KLHL5: variants seen among roughly 807,000 people sequenced by gnomAD.
KLHL5 encodes the protein kelch like family member 5, also known as kelch-like protein 5.
In KLHL5, 48 loss-of-function variants were observed where a neutral mutation model predicts 77.7. That is an observed-to-expected ratio of 0.62 (90% confidence interval 0.49 to 0.79). KLHL5 has a LOEUF of 0.79. Ranked by LOEUF, KLHL5 falls within the 30% of genes least tolerant of loss-of-function variation. The pLI is 0.00. For missense variants in KLHL5, 723 were observed against 859.7 expected (o/e 0.84, Z 1.99); for synonymous variants, 260 against 297.0 (o/e 0.88, Z 1.28).
At chr4:39,082,808 G>C (rs1719733288) in intron 4 of KLHL5, among the ~76,000 whole-genome samples, 1 of 152,140 alleles carries the variant, frequency 6.6e-6, no homozygotes, top group East Asian at 1.9e-4. Context: ...ACCTAGGATA[G>C]TAAGAAAATA....
At chr4:39,126,929 C>A (rs1469384166), downstream of KLHL5, 5 of 358,812 alleles carry the variant, frequency 1.4e-5, no homozygotes, top group Non-Finnish European at 2.2e-5. Context: ...CCCTTGCTGA[C>A]GTCAAGGCAC....
chr4:39,105,577 T>C (rs931478026), intron 7 of KLHL5, among the ~76,000 whole-genome samples: 3 of 151,668 alleles, frequency 2.0e-5, no homozygotes, highest in Admixed American at 1.3e-4. Context: ...ACATATATCA[T>C]AAACATGTAT....
chr4:39,088,420 T>C (rs977528471), intron 5 of KLHL5, among the ~76,000 whole-genome samples: 2 of 152,182 alleles, frequency 1.3e-5, no homozygotes, highest in Non-Finnish European at 2.9e-5. Flanking sequence ...ATTCCTCTCT[T>C]TCTGCATTGT....
the KLHL5 span, among the ~76,000 whole-genome samples, chr4:39,141,092 C>T: frequency 2.0e-5 from 3 of 152,038 alleles, no homozygotes; most frequent in African/African-American, 7.2e-5. Flanking sequence ...GGAAAAGTAA[C>T]AAGGAGACAG....
rs1722144525 is a variant in KLHL5 at position 39,107,596 on chromosome 4, A to AC, written c.1553_1554insC (p.Ala519CysfsTer6). The AC allele has an allele frequency of 6.2e-7, 1 of 1,612,074 alleles. No individual in the cohort carries two copies. The highest frequency in any genetic ancestry group is 8.5e-7 in the Non-Finnish European group (1 of 1,178,668). ...GTGGCTGTACTGGAAGGTCCCATGT[A>AC]TGCCGTAGGAGGACATGATGGCTGG... On this transcript the variant is annotated frameshift_variant, in exon 8 of 11. Transcript: ENST00000504108. LOFTEE classifies it high-confidence loss of function.
intron 5 of KLHL5, among the ~76,000 whole-genome samples, chr4:39,095,313 G>C (rs1720958542): frequency 6.6e-6 from 1 of 152,110 alleles, no homozygotes; most frequent in Admixed American, 6.5e-5. Flanking sequence ...GTGCTCTTGT[G>C]CTCTTATACA....
intron 6 of KLHL5, among the ~76,000 whole-genome samples, chr4:39,102,095 A>T (rs1721626047): frequency 6.6e-6 from 1 of 151,094 alleles, no homozygotes; most frequent in African/African-American, 2.4e-5. Context: ...ATCTATATGT[A>T]TAACACAACT....
At chr4:39,088,664 A>C (rs1038113604) in intron 5 of KLHL5, among the ~76,000 whole-genome samples, 3 of 152,182 alleles carry the variant, frequency 2.0e-5, no homozygotes, top group Non-Finnish European at 4.4e-5. Flanking sequence ...CAGATACATG[A>C]ATGTGGCATT....
chr4:39,068,753 G>A (rs1298519072), intron 1 of KLHL5, among the ~76,000 whole-genome samples: 2 of 151,486 alleles, frequency 1.3e-5, no homozygotes, highest in African/African-American at 4.9e-5. Context: ...TTTTACCTGT[G>A]TTTCACTTGG....
chr4:39,078,304 T>C (rs1719273450), intron 2 of KLHL5, among the ~76,000 whole-genome samples: 1 of 151,948 alleles, frequency 6.6e-6, no homozygotes, highest in Admixed American at 6.6e-5. Flanking sequence ...GAGAATTGCT[T>C]GAACCCAGGC....
At position 39,062,913 on chromosome 4, in the gene KLHL5, C is replaced by T; in HGVS notation, c.261C>T (p.Thr87=). The part of the protein sequence containing the change: ...QNSPSWPMAS[T]SEVPAFEFTA... ...CACCTTCTTGGCCAATGGCATCCAC[C>T]TCTGAAGTCCCTGCATTTGAGTTTA... is the stretch of plus-strand genomic sequence containing the variant. The change falls in exon 1 of 11, where the codon ACC becomes ACT. Residue 87 remains threonine (T), a synonymous_variant. Transcript: ENST00000504108. 6.2e-7 allele frequency: 1 copy of T among 1,614,182 alleles called. No individual in the cohort carries two copies.
At chr4:39,140,039 C>A in the KLHL5 span, among the ~76,000 whole-genome samples, 1 of 152,110 alleles carries the variant, frequency 6.6e-6, no homozygotes, top group Non-Finnish European at 1.5e-5. Flanking sequence ...CCAGCCTGGG[C>A]AACATGGCAA....
At chr4:39,046,031 C>T (rs1337533291) in intron 1 of KLHL5, among the ~76,000 whole-genome samples, 1 of 130,606 alleles carries the variant, frequency 7.7e-6, no homozygotes, top group Admixed American at 8.8e-5. Context: ...AAAAACCAAT[C>T]ATGACTTTTT....
At chr4:39,110,216 G>C (rs190234348) in intron 8 of KLHL5, among the ~76,000 whole-genome samples, 39 of 152,312 alleles carry the variant, frequency 2.6e-4, no homozygotes, top group Non-Finnish European at 3.7e-4. Flanking sequence ...GTGAAGAAGA[G>C]TAAGTGCTGA....
chr4:39,064,996 G>A (rs917206574), intron 1 of KLHL5, among the ~76,000 whole-genome samples: 1 of 152,006 alleles, frequency 6.6e-6, no homozygotes, highest in Non-Finnish European at 1.5e-5. Context: ...AAAATAAAAT[G>A]TACTGTGAGA....
chr4:39,102,339 T>G (rs1375528589), intron 6 of KLHL5, among the ~76,000 whole-genome samples: 1 of 150,662 alleles, frequency 6.6e-6, no homozygotes, highest in Admixed American at 6.6e-5. Context: ...TCTGCTCATC[T>G]TAACTCATAA....
At chr4:39,058,417 G>A (rs991493113), upstream of KLHL5, among the ~76,000 whole-genome samples, 5 of 152,070 alleles carry the variant, frequency 3.3e-5, no homozygotes, top group Non-Finnish European at 7.4e-5. Context: ...CTTGAGCTCA[G>A]GAATTCGAGA....
chr4:39,053,717 A>T (rs1488719886), intron 1 of KLHL5, among the ~76,000 whole-genome samples: 1 of 152,228 alleles, frequency 6.6e-6, no homozygotes, highest in Non-Finnish European at 1.5e-5. Flanking sequence ...TTGTTATATC[A>T]TAGTAGTATC....
intron 5 of KLHL5, among the ~76,000 whole-genome samples, chr4:39,090,569 C>A (rs1359339313): frequency 6.6e-6 from 1 of 151,976 alleles, no homozygotes; most frequent in Non-Finnish European, 1.5e-5. Context: ...CTGCCTCAGC[C>A]TCCCGAGTAG....
Sources: gnomAD v4.1 joint callset for allele counts (sites outside exome capture counted in the v4.1 genomes callset) on GRCh38, gnomAD v4.1.1 for gene constraint, MANE v1.5 for transcripts, NCBI Gene and HGNC (gene_info 2026-07-23, HGNC 2026-07-21) for gene names.